LYPD6: variants seen among roughly 807,000 people sequenced by gnomAD.
The protein encoded by LYPD6 is LY6/PLAUR domain containing 6, also known as ly6/PLAUR domain-containing protein 6.
A neutral mutation model predicts 22.7 loss-of-function variants in LYPD6; 15 were observed. That is an observed-to-expected ratio of 0.66 (90% CI 0.44 to 1.02). The LOEUF (loss-of-function observed/expected upper bound fraction) is 1.02, where lower values mean the gene tolerates loss of function less well. LYPD6 is among the 50% of genes least tolerant of loss of function. The pLI is 0.00. For synonymous variants in LYPD6, 72 were observed against 77.5 expected, an observed-to-expected ratio of 0.93 and a Z score of 0.37; for missense variants, 189 against 208.4, an observed-to-expected ratio of 0.91 and a Z score of 0.57.
intron 1 of LYPD6, among the ~76,000 whole-genome samples, chr2:149,416,234 G>A (rs1366342439): frequency 6.6e-6 from 1 of 152,170 alleles, no homozygotes; most frequent in African/African-American, 2.4e-5. Flanking sequence ...CCCACTCTGA[G>A]TTCTCCATAT....
intron 3 of LYPD6, 103 bp downstream of exon 3, chr2:149,449,250 C>A: frequency 1.5e-6 from 1 of 688,930 alleles, no homozygotes; most frequent in Non-Finnish European, 2.5e-6. Context: ...GCAATCTCAG[C>A]TGCTCCTCTT....
At chr2:149,362,378 A>C (rs1420197702) in intron 1 of LYPD6, among the ~76,000 whole-genome samples, 1 of 152,158 alleles carries the variant, frequency 6.6e-6, no homozygotes, top group African/African-American at 2.4e-5. Flanking sequence ...GAAATGGGTA[A>C]ACCTGAGTAT....
intron 1 of LYPD6, among the ~76,000 whole-genome samples, chr2:149,419,042 G>T (rs1182414271): frequency 6.6e-6 from 1 of 152,146 alleles, no homozygotes; most frequent in Non-Finnish European, 1.5e-5. Context: ...GTAAAAACTG[G>T]GATTAAGATA....
At chr2:149,396,583 C>G (rs1351876603) in intron 1 of LYPD6, among the ~76,000 whole-genome samples, 1 of 152,146 alleles carries the variant, frequency 6.6e-6, no homozygotes, top group African/African-American at 2.4e-5. Context: ...CCTCCCCTGT[C>G]CCTGGAGATC....
intron 3 of LYPD6, among the ~76,000 whole-genome samples, chr2:149,455,347 C>T (rs879697469): frequency 5.3e-5 from 8 of 151,388 alleles, no homozygotes; most frequent in Non-Finnish European, 7.4e-5. Flanking sequence ...CAAGCTCCGC[C>T]TCCTGGGTTC....
intron 1 of LYPD6, among the ~76,000 whole-genome samples, chr2:149,333,987 A>G (rs1279968239): frequency 6.6e-6 from 1 of 152,190 alleles, no homozygotes; most frequent in Admixed American, 6.5e-5. Flanking sequence ...AGAAATACTT[A>G]ATTTACCCAT....
upstream of LYPD6, chr2:149,330,536 G>A (rs1680912412): frequency 6.7e-6 from 1 of 149,858 alleles, no homozygotes. Flanking sequence ...GGCGCGAGTG[G>A]GAGTGGCGCG....
chr2:149,414,128 T>C (rs1682912342), intron 1 of LYPD6, among the ~76,000 whole-genome samples: 2 of 152,222 alleles, frequency 1.3e-5, no homozygotes, highest in Admixed American at 1.3e-4. Context: ...AGAACTTTGA[T>C]AGATGTTCAG....
chr2:149,449,141 CCT>C lies in LYPD6; in HGVS notation c.213_214del (p.Glu73AspfsTer40). ...CCGATGGGCTCCAGACATCTACTGCCCTCGAGGTAAACTCTCAGTAGACTGAT... is the reference window on the plus strand; with the variant it reads ...CCGATGGGCTCCAGACATCTACTGCCCGAGGTAAACTCTCAGTAGACTGAT... ...CNRWAPDIYC[P>X]RETRYCYTQH... On this transcript the variant is annotated frameshift_variant, in exon 3 of 5. Transcript: ENST00000334166. LOFTEE classifies it high-confidence loss of function. 6.2e-7 allele frequency: 1 copy of C among 1,610,526 alleles called. No homozygotes were observed. The highest frequency in any genetic ancestry group is 1.1e-5 in the South Asian group (1 of 90,544).
At chr2:149,330,870 A>G (rs1019960947) in intron 1 of LYPD6, 148 bp downstream of exon 1, 4 of 152,496 alleles carry the variant, frequency 2.6e-5, no homozygotes, top group Non-Finnish European at 5.8e-5. Flanking sequence ...GGGCCAGAGG[A>G]ACTGGGGTCC....
At chr2:149,405,998 AGTC>A (rs1389123874) in intron 1 of LYPD6, among the ~76,000 whole-genome samples, 24 of 149,924 alleles carry the variant, frequency 1.6e-4, no homozygotes, top group African/African-American at 5.9e-4. Context: ...TGTACCCAGT[AGTC>A]ATTCAGGAGC....
chr2:149,443,989 A>G (rs993393591), intron 2 of LYPD6, among the ~76,000 whole-genome samples: 1 of 139,428 alleles, frequency 7.2e-6, no homozygotes, highest in Non-Finnish European at 1.5e-5. Context: ...GCTGGAGTGC[A>G]GTGGTGCAAT....
intron 1 of LYPD6, among the ~76,000 whole-genome samples, chr2:149,407,058 G>A (rs986912626): frequency 2.6e-5 from 4 of 152,122 alleles, no homozygotes; most frequent in East Asian, 1.9e-4. Flanking sequence ...TTGAATATTG[G>A]CCCCCACTCT....
intron 1 of LYPD6, among the ~76,000 whole-genome samples, chr2:149,341,929 A>G (rs78058568): frequency 0.019 from 2,884 of 152,250 alleles, 94 homozygotes; most frequent in African/African-American, 0.067. Context: ...TCACAGGGAA[A>G]CCATAGCAGA....
chr2:149,467,271 G>A (rs1407153108), intron 3 of LYPD6, among the ~76,000 whole-genome samples: 2 of 152,178 alleles, frequency 1.3e-5, no homozygotes, highest in Non-Finnish European at 2.9e-5. Context: ...AATTCCAGCC[G>A]GGATGCAGTG....
chr2:149,466,990 C>T (rs922090897), intron 3 of LYPD6, among the ~76,000 whole-genome samples: 2 of 152,150 alleles, frequency 1.3e-5, no homozygotes, highest in Admixed American at 1.3e-4. Context: ...AACCAGTCCT[C>T]TTAGAAGATG....
intron 1 of LYPD6, among the ~76,000 whole-genome samples, chr2:149,337,684 T>G (rs1681065242): frequency 6.6e-6 from 1 of 152,136 alleles, no homozygotes; most frequent in African/African-American, 2.4e-5. Flanking sequence ...GTTTGTTAGA[T>G]AGGTAAATTG....
At chr2:149,407,886 G>A (rs1179652009) in intron 1 of LYPD6, among the ~76,000 whole-genome samples, 3 of 151,614 alleles carry the variant, frequency 2.0e-5, no homozygotes, top group African/African-American at 7.3e-5. Context: ...GGTCTTTGAT[G>A]ATGGTGACGT....
intron 1 of LYPD6, among the ~76,000 whole-genome samples, chr2:149,392,137 C>T (rs1464242619): frequency 6.6e-6 from 1 of 152,112 alleles, no homozygotes; most frequent in Non-Finnish European, 1.5e-5. Context: ...AGACCAAGTT[C>T]CATGGTGCCC....
Sources: allele counts gnomAD v4.1 joint callset (sites outside exome capture counted in the v4.1 genomes callset), GRCh38; gene constraint gnomAD v4.1.1; transcripts MANE v1.5; gene names NCBI Gene and HGNC (gene_info 2026-07-23, HGNC 2026-07-21).